The following SLC2A9 variants were observed in gnomAD, a reference collection of about 807,000 sequenced individuals.
SLC2A9 encodes solute carrier family 2, facilitated glucose transporter member 9.
Under a neutral mutation model 50.6 loss-of-function variants are expected in SLC2A9, and 39 were observed. That is an observed-to-expected ratio of 0.77 (90% CI 0.60 to 1.01). The LOEUF is 1.01. Among genes scored for constraint, SLC2A9 ranks in the 50% least tolerant of loss-of-function variants. The pLI, the probability that SLC2A9 is intolerant of heterozygous loss-of-function variation, is 0.00. For missense variants in SLC2A9, 686 were observed against 677.6 expected, an observed-to-expected ratio of 1.01 and a Z score of -0.14; for synonymous variants, 324 against 276.9, an observed-to-expected ratio of 1.17 and a Z score of -1.69.
chr4:10,019,767 A>G (rs1763274088), intron 1 of SLC2A9, among the ~76,000 whole-genome samples: 1 of 152,264 alleles, frequency 6.6e-6, no homozygotes. Flanking sequence ...CCTCAGGACA[A>G]GGACCTGCAG....
intron 10 of SLC2A9, among the ~76,000 whole-genome samples, chr4:9,851,036 G>A (rs1729813102): frequency 6.6e-6 from 1 of 151,100 alleles, no homozygotes. Flanking sequence ...GCTATATGCA[G>A]GAACACCACC....
chr4:9,833,191 G>A (rs1250988120), intron 11 of SLC2A9, among the ~76,000 whole-genome samples: 1 of 152,208 alleles, frequency 6.6e-6, no homozygotes. Flanking sequence ...CTGCAGCCAC[G>A]TGAAGGTGTC....
chr4:9,847,653 G>A (rs16889522), intron 10 of SLC2A9, among the ~76,000 whole-genome samples: 6,352 of 152,320 alleles, frequency 0.042, 411 homozygotes, highest in African/African-American at 0.14. Flanking sequence ...TCAAGGAGCC[G>A]TCAGCATCTG....
chr4:10,035,885 C>G (rs1487602080), intron 1 of SLC2A9: 1 of 153,300 alleles, frequency 6.5e-6, no homozygotes, highest in Non-Finnish European at 1.5e-5. Flanking sequence ...GACCTTTGGA[C>G]TTTAGGACTT....
At chr4:10,017,316 G>A (rs796377737) in intron 2 of SLC2A9, among the ~76,000 whole-genome samples, 6 of 152,238 alleles carry the variant, frequency 3.9e-5, no homozygotes, top group African/African-American at 1.4e-4. Context: ...CCTCTCACCT[G>A]GATGTTTTGA....
chr4:9,859,791 A>G (rs570169696), intron 10 of SLC2A9, among the ~76,000 whole-genome samples: 1 of 152,188 alleles, frequency 6.6e-6, no homozygotes, highest in Non-Finnish European at 1.5e-5. Flanking sequence ...ATTAATGCTG[A>G]TATCAAAGCC....
chr4:9,836,498 G>A (rs1727136996), intron 10 of SLC2A9, among the ~76,000 whole-genome samples: 1 of 152,098 alleles, frequency 6.6e-6, no homozygotes, highest in Non-Finnish European at 1.5e-5. Context: ...ATCATGCCGA[G>A]TGGAGGGAGG....
chr4:10,004,380 G>A (rs2109359799), intron 2 of SLC2A9, among the ~76,000 whole-genome samples: 1 of 152,244 alleles, frequency 6.6e-6, no homozygotes, highest in South Asian at 2.1e-4. Context: ...GCATCTAGGT[G>A]GGGCCATATG....
Position 9,833,769 on chromosome 4 carries a change from A to T in SLC2A9, c.1419+1112T>A, listed in dbSNP as rs367792492. On this transcript the variant is annotated intron_variant, in intron 11 of 11. Coordinates refer to ENST00000264784, the MANE Select transcript of SLC2A9 (RefSeq NM_020041.3). ...GAATAGTTGGTGAGGGGAGGAAGAC[A>T]GGAAGACAGGATTGAAATAGCTCCT... Among the ~76,000 whole-genome samples the T allele has an allele frequency of 5.3e-5, 8 of 152,318 alleles. No individual in the cohort carries two copies. The East Asian group carries it at 1.4e-3, about 26-fold the overall frequency.
chr4:9,817,437 C>T (rs1345172117), intron 3 of SLC2A9, among the ~76,000 whole-genome samples: 2 of 152,180 alleles, frequency 1.3e-5, no homozygotes, highest in African/African-American at 4.8e-5. Context: ...AGACTCCTGC[C>T]CTCCTGAAGC....
Position 9,834,659 on chromosome 4 carries a change from C to T in SLC2A9, c.1419+222G>A, listed in dbSNP as rs531154008. On this transcript the variant is annotated intron_variant, in intron 11 of 11. Coordinates refer to ENST00000264784, the MANE Select transcript of SLC2A9 (RefSeq NM_020041.3). ...TACCGTCAGCAATGGGTAGCCCACA[C>T]CCTCTGAAAGAGCCCACAGCATTTA... Among the ~76,000 whole-genome samples, 7 of 152,278 alleles carry T rather than the reference C, an allele frequency of 4.6e-5. No individual in the cohort carries two copies. In the South Asian group the frequency reaches 1.5e-3, roughly 32 times the overall value.
chr4:9,997,414 T>C (rs1027800062), intron 2 of SLC2A9, among the ~76,000 whole-genome samples: 5 of 152,106 alleles, frequency 3.3e-5, no homozygotes, highest in South Asian at 2.1e-4. Context: ...AAAGGGCACA[T>C]ACCGGGTGGG....
At chr4:9,871,002 C>T (rs1289491167) in intron 10 of SLC2A9, among the ~76,000 whole-genome samples, 1 of 152,156 alleles carries the variant, frequency 6.6e-6, no homozygotes, top group African/African-American at 2.4e-5. Flanking sequence ...TTGCAACCTT[C>T]AACTCCTGGA....
intron 10 of SLC2A9, among the ~76,000 whole-genome samples, chr4:9,851,507 A>G (rs1232898668): frequency 1.3e-5 from 2 of 152,216 alleles, no homozygotes; most frequent in African/African-American, 4.8e-5. Context: ...TGGCAACTCA[A>G]AAAGCCAGAG....
In SLC2A9 at chr4:9,906,569, T is replaced by C. The variant is rs143629069; in HGVS notation, c.1113+1666A>G. Among the ~76,000 whole-genome samples the C allele has an allele frequency of 2.6e-5, 4 of 152,358 alleles. No individual in the cohort carries two copies. In the East Asian group the frequency reaches 7.7e-4, roughly 29 times the overall value. ...TATGTAAGAAATATACATCTATGCA[T>C]AGAAAGACAAGGGAAGAATTTGCCA... On this transcript the variant is annotated intron_variant, in intron 8 of 11. Coordinates refer to ENST00000264784, the MANE Select transcript of SLC2A9 (RefSeq NM_020041.3).
At chr4:9,795,035 A>T (rs1008926852), downstream of SLC2A9, among the ~76,000 whole-genome samples, 17 of 126,526 alleles carry the variant, frequency 1.3e-4, no homozygotes, top group African/African-American at 5.0e-4. Flanking sequence ...TTTTTAAGAC[A>T]AAGTCTCACT....
rs746778731 is a variant in SLC2A9, at chr4:10,014,820, A to G, written c.249+4155T>C. Reference sequence around the variant, plus strand: ...ATACAGCAAGGTCAACACCCAGGGAAGGGCACTGAAGGATTGCCTGAACAG... The same window carrying G: ...ATACAGCAAGGTCAACACCCAGGGAGGGGCACTGAAGGATTGCCTGAACAG... On this transcript the variant is annotated intron_variant, in intron 2 of 11. Coordinates refer to ENST00000264784, the MANE Select transcript of SLC2A9 (RefSeq NM_020041.3). Among the ~76,000 whole-genome samples the G allele has an allele frequency of 3.7e-4, 56 of 152,176 alleles. 1 individual carries two copies. The highest frequency in any genetic ancestry group is 1.0e-4 in the Non-Finnish European group (7 of 68,030).
At chr4:9,878,300 T>C (rs75015234) in intron 10 of SLC2A9, among the ~76,000 whole-genome samples, 103 of 152,196 alleles carry the variant, frequency 6.8e-4, no homozygotes, top group East Asian at 6.0e-3. Context: ...GGTGGGTCAT[T>C]AGATGGTTTC....
chr4:9,939,952 A>G (rs753903345), intron 6 of SLC2A9, among the ~76,000 whole-genome samples: 1 of 152,210 alleles, frequency 6.6e-6, no homozygotes, highest in Non-Finnish European at 1.5e-5. Flanking sequence ...TGTTCTTTTT[A>G]TAGAGTGCAC....
Sources: allele counts gnomAD v4.1 joint callset (sites outside exome capture counted in the v4.1 genomes callset), GRCh38; gene constraint gnomAD v4.1.1; transcripts MANE v1.5; gene names NCBI Gene and HGNC (gene_info 2026-07-23, HGNC 2026-07-21).